CACNB4: variants seen among roughly 807,000 people sequenced by gnomAD.
CACNB4 encodes voltage-dependent L-type calcium channel subunit beta-4.
Under a neutral mutation model 71.2 loss-of-function variants are expected in CACNB4, and 32 were observed. That is an observed-to-expected ratio of 0.45 (90% CI 0.34 to 0.60). The LOEUF is 0.60. Among genes scored for constraint, CACNB4 ranks in the 20% least tolerant of loss-of-function variants. CACNB4 has a pLI of 0.01. For missense variants in CACNB4, 464 were observed against 647.9 expected (o/e 0.72, Z 3.08); for synonymous variants, 231 against 236.9 (o/e 0.97, Z 0.23).
At position 151,834,831 on chromosome 2, in the gene CACNB4, A is replaced by T. The variant is rs2099834549; in HGVS notation, c.*4288T>A. On this transcript the variant is annotated 3_prime_UTR_variant, in exon 14 of 14. Coordinates refer to ENST00000539935, the MANE Select transcript of CACNB4 (RefSeq NM_000726.5). ...TAAAGGTATGAGAAACTAATAAAAC[A>T]GATTTTATTACATAATTTCCTATAA... The T allele has an allele frequency of 6.6e-6, 1 of 151,974 alleles. No individual in the cohort carries two copies. Among genetic ancestry groups the T allele is most frequent in the African/African-American group, 2.4e-5 (1 of 41,444 alleles). The allele number at this position is 151,974 out of a possible 1,614,324, so 9.4% of individuals were successfully genotyped here.
intron 2 of CACNB4, among the ~76,000 whole-genome samples, chr2:151,993,771 G>C (rs1429949720): frequency 2.0e-5 from 3 of 151,546 alleles, no homozygotes; most frequent in Non-Finnish European, 2.9e-5. Context: ...CACCATGTTG[G>C]TCAGGCTGGT....
At chr2:152,099,068 C>A (rs886054971), upstream of CACNB4, 1 of 1,229,850 alleles carries the variant, frequency 8.1e-7, no homozygotes, top group East Asian at 3.0e-5. Flanking sequence ...GGCTGGCCCC[C>A]GAGGCTGGGC....
chr2:151,872,235 T>G (rs1344345653), intron 6 of CACNB4, 182 bp downstream of exon 6: 1 of 577,320 alleles, frequency 1.7e-6, no homozygotes, highest in Non-Finnish European at 3.0e-6. Flanking sequence ...CATGAATTTT[T>G]AATACCATTT....
At chr2:151,971,320 A>G in intron 2 of CACNB4, 1 of 594,162 alleles carries the variant, frequency 1.7e-6, no homozygotes, top group Non-Finnish European at 3.0e-6. Flanking sequence ...ACTTATCACA[A>G]GTTAACCCCC....
chr2:151,946,810 TCAAATTTCATA>T (rs1289414059), intron 2 of CACNB4, among the ~76,000 whole-genome samples: 9 of 152,302 alleles, frequency 5.9e-5, no homozygotes, highest in East Asian at 1.9e-4. Context: ...TATAATTTCA[TCAAATTTCATA>T]CAAATTTCAG....
In CACNB4 at chr2:152,011,749, T is replaced by C. The variant is rs182941864; in HGVS notation, c.147+86581A>G. ...TGGGGTGACTCCAGGGCAGGTTCAG[T>C]GGACAGAACATCCTAATACAGTCAT... On this transcript the variant is annotated intron_variant, in intron 2 of 13. Transcript: ENST00000539935. Among the ~76,000 whole-genome samples, 790 of 152,328 alleles carry C rather than the reference T, an allele frequency of 5.2e-3. 6 individuals carry two copies. Among genetic ancestry groups the C allele is most frequent in the Non-Finnish European group, 7.0e-3 (476 of 68,022 alleles).
intron 2 of CACNB4, among the ~76,000 whole-genome samples, chr2:152,002,817 T>TC (rs1682501110): frequency 6.6e-6 from 1 of 152,226 alleles, no homozygotes; most frequent in African/African-American, 2.4e-5. Flanking sequence ...GACCAAGGAC[T>TC]CAAAAGGAAG....
chr2:152,058,058 C>T (rs887907028), intron 2 of CACNB4, among the ~76,000 whole-genome samples: 2 of 152,074 alleles, frequency 1.3e-5, no homozygotes, highest in Non-Finnish European at 2.9e-5. Flanking sequence ...AGGGCTCTTC[C>T]CACTTTGCTC....
Position 152,063,249 on chromosome 2 carries a change from T to A in CACNB4, c.147+35081A>T, listed in dbSNP as rs1436159620. On this transcript the variant is annotated intron_variant, in intron 2 of 13. Transcript: ENST00000539935. The stretch of plus-strand genomic sequence containing the variant: ...CTAACAGTTCCAAATCTGTTCAAAA[T>A]CATTACAAAATACCCAATTATAGGA... Among the ~76,000 whole-genome samples the A allele has an allele frequency of 2.0e-5, 3 of 152,180 alleles. No homozygotes were observed. The East Asian group carries it at 5.8e-4, about 29-fold the overall frequency.
intron 2 of CACNB4, among the ~76,000 whole-genome samples, chr2:152,045,941 G>GC (rs949370023): frequency 6.6e-6 from 1 of 152,172 alleles, no homozygotes; most frequent in Non-Finnish European, 1.5e-5. Flanking sequence ...TGATAAATGA[G>GC]CTAGAATGTA....
chr2:151,870,750 T>G, intron 7 of CACNB4, 92 bp downstream of exon 7: 1 of 1,250,732 alleles, frequency 8.0e-7, no homozygotes, highest in African/African-American at 1.5e-5. Flanking sequence ...TCTTCCCTTA[T>G]TTTATAGCCA....
chr2:151,897,002 T>C (rs552374497), intron 2 of CACNB4, among the ~76,000 whole-genome samples: 5 of 152,262 alleles, frequency 3.3e-5, no homozygotes, highest in African/African-American at 7.2e-5. Flanking sequence ...AGCAGAAGTG[T>C]TGGTAGGCAC....
intron 2 of CACNB4, among the ~76,000 whole-genome samples, chr2:151,948,135 A>G (rs145315987): frequency 7.8e-4 from 119 of 152,318 alleles, no homozygotes; most frequent in African/African-American, 2.5e-3. Flanking sequence ...GAAACTAGGA[A>G]CAAACCGGGT....
intron 9 of CACNB4, chr2:151,868,115 A>G (rs1450277505): frequency 6.6e-6 from 1 of 152,234 alleles, no homozygotes; most frequent in Non-Finnish European, 1.5e-5. Flanking sequence ...ACAAATGCAT[A>G]CAATTTATAT....
intron 2 of CACNB4, chr2:151,967,480 T>TC (rs1299303727): frequency 1.3e-5 from 2 of 152,148 alleles, no homozygotes; most frequent in African/African-American, 4.8e-5. Context: ...ATTTTTTAAG[T>TC]CTTATGGAGA....
At chr2:151,910,658 C>A (rs1262563772) in intron 2 of CACNB4, among the ~76,000 whole-genome samples, 2 of 152,052 alleles carry the variant, frequency 1.3e-5, no homozygotes. Flanking sequence ...TTAGTCTATA[C>A]GTCTGTTTTG....
intron 5 of CACNB4, among the ~76,000 whole-genome samples, chr2:151,874,626 T>G (rs2099845485): frequency 6.6e-6 from 1 of 152,198 alleles, no homozygotes; most frequent in Non-Finnish European, 1.5e-5. Context: ...GGTGCGGTTC[T>G]TATTATGACA....
chr2:151,934,835 C>CA (rs965946051), intron 2 of CACNB4, among the ~76,000 whole-genome samples: 11 of 151,228 alleles, frequency 7.3e-5, no homozygotes, highest in Admixed American at 5.9e-4. Flanking sequence ...GACTCCATCT[C>CA]AAAAAAAAGA....
intron 2 of CACNB4, among the ~76,000 whole-genome samples, chr2:152,049,157 CTCTT>C (rs1027961015): frequency 2.7e-4 from 41 of 151,306 alleles, no homozygotes; most frequent in Non-Finnish European, 7.4e-5. Context: ...TTTGCATTCT[CTCTT>C]TTTTTTTTTT....
Sources: gnomAD v4.1 joint callset for allele counts (sites outside exome capture counted in the v4.1 genomes callset) on GRCh38, gnomAD v4.1.1 for gene constraint, MANE v1.5 for transcripts, NCBI Gene and HGNC (gene_info 2026-07-23, HGNC 2026-07-21) for gene names.